MSI2: variants seen among roughly 807,000 people sequenced by gnomAD.
The protein encoded by MSI2 is musashi RNA binding protein 2.
A neutral mutation model predicts 45.6 loss-of-function variants in MSI2; 17 were observed. That is an observed-to-expected ratio of 0.37 (90% CI 0.26 to 0.56). The LOEUF (loss-of-function observed/expected upper bound fraction) is 0.56. Ranked by LOEUF, MSI2 falls within the 20% of genes least tolerant of loss-of-function variation. MSI2 has a pLI of 0.77. For missense variants in MSI2, 293 were observed against 444.2 expected (o/e 0.66, Z 3.06); for synonymous variants, 156 against 158.2 (o/e 0.99, Z 0.11).
intron 5 of MSI2, among the ~76,000 whole-genome samples, chr17:57,289,714 A>G (rs969351240): frequency 2.0e-5 from 3 of 152,178 alleles, no homozygotes; most frequent in Non-Finnish European, 4.4e-5. Flanking sequence ...TCCCTTGGTG[A>G]GAAGGAGGAG....
intron 12 of MSI2, among the ~76,000 whole-genome samples, chr17:57,676,528 T>G (rs1393465411): frequency 2.0e-5 from 3 of 152,250 alleles, no homozygotes; most frequent in Admixed American, 1.3e-4. Context: ...CAGACCCAAT[T>G]TGTTCTTGAA....
At chr17:57,263,013 G>A (rs980519657) in intron 5 of MSI2, among the ~76,000 whole-genome samples, 8 of 152,118 alleles carry the variant, frequency 5.3e-5, no homozygotes, top group Non-Finnish European at 8.8e-5. Flanking sequence ...TGCTTTTTAT[G>A]TATCTTCGGG....
intron 6 of MSI2, among the ~76,000 whole-genome samples, chr17:57,504,166 G>A (rs556265160): frequency 5.3e-5 from 8 of 152,262 alleles, no homozygotes; most frequent in African/African-American, 1.9e-4. Context: ...CGATGCCAGG[G>A]CATTGCCCTC....
intron 7 of MSI2, among the ~76,000 whole-genome samples, chr17:57,576,800 GA>G (rs113470711): frequency 0.01 from 1,398 of 135,548 alleles, 12 homozygotes; most frequent in Non-Finnish European, 0.013. Flanking sequence ...TAATTTTAAA[GA>G]AAAAAAAAAA....
At chr17:57,513,582 G>C (rs1051056025) in intron 6 of MSI2, among the ~76,000 whole-genome samples, 3 of 152,244 alleles carry the variant, frequency 2.0e-5, no homozygotes, top group Non-Finnish European at 4.4e-5. Flanking sequence ...AAGCAGATGG[G>C]ATTCTGCAAA....
intron 7 of MSI2, among the ~76,000 whole-genome samples, chr17:57,541,497 A>G (rs2087045448): frequency 6.6e-6 from 1 of 152,234 alleles, no homozygotes; most frequent in South Asian, 2.1e-4. Flanking sequence ...CAGCAAGACA[A>G]CACTGAACTT....
chr17:57,405,059 G>A (rs1172015348), intron 6 of MSI2, among the ~76,000 whole-genome samples: 3 of 152,040 alleles, frequency 2.0e-5, no homozygotes, highest in Non-Finnish European at 4.4e-5. Flanking sequence ...TAGCTGTTCC[G>A]GGGTTGTCTG....
chr17:57,358,306 G>A (rs952569134), intron 5 of MSI2, among the ~76,000 whole-genome samples: 1 of 152,018 alleles, frequency 6.6e-6, no homozygotes, highest in African/African-American at 2.4e-5. Context: ...GCATTCATGG[G>A]CTGAAGCTGG....
chr17:57,262,069 GTGATTAA>G (rs955384023), intron 4 of MSI2, 75 bp from the exon 5 acceptor site: 1 of 1,395,408 alleles, frequency 7.2e-7, no homozygotes, highest in African/African-American at 1.4e-5. Flanking sequence ...TGAGAAATGA[GTGATTAA>G]TAATTAGGTG....
intron 7 of MSI2, among the ~76,000 whole-genome samples, chr17:57,550,789 C>T (rs1210988884): frequency 1.3e-5 from 2 of 152,108 alleles, no homozygotes; most frequent in South Asian, 2.1e-4. Flanking sequence ...TTAGACAGTT[C>T]GCACATCCAA....
chr17:57,451,370 C>G (rs2143551524), intron 6 of MSI2, among the ~76,000 whole-genome samples: 1 of 152,316 alleles, frequency 6.6e-6, no homozygotes, highest in East Asian at 1.9e-4. Context: ...AGATCCTTCG[C>G]TAAATAAGTC....
chr17:57,278,526 T>G (rs1031447490), intron 5 of MSI2: 2 of 152,280 alleles, frequency 1.3e-5, no homozygotes, highest in African/African-American at 4.8e-5. Context: ...CTTGCTTGAC[T>G]CAGGCGGGGC....
intron 5 of MSI2, among the ~76,000 whole-genome samples, chr17:57,304,580 G>A (rs990773979): frequency 1.3e-5 from 2 of 151,220 alleles, no homozygotes; most frequent in Admixed American, 6.6e-5. Context: ...CTACCAGCAC[G>A]CCCAGCTAAT....
intron 2 of MSI2, 137 bp downstream of exon 2, chr17:57,257,275 T>C: frequency 1.8e-6 from 1 of 545,028 alleles, no homozygotes; most frequent in Non-Finnish European, 3.0e-6. Flanking sequence ...TTTTTTTAAA[T>C]AGCAAATCCT....
intron 6 of MSI2, among the ~76,000 whole-genome samples, chr17:57,429,115 G>T (rs948867190): frequency 4.6e-5 from 7 of 151,974 alleles, no homozygotes; most frequent in African/African-American, 1.7e-4. Flanking sequence ...GTCCTTCCTG[G>T]ATCTGCGTGT....
At chr17:57,698,543 T>A in the MSI2 span, among the ~76,000 whole-genome samples, 1 of 152,182 alleles carries the variant, frequency 6.6e-6, no homozygotes, top group Admixed American at 6.5e-5. Context: ...ATCTCTGTCT[T>A]GCTCTGAATA....
At chr17:57,645,427 T>G (rs1400359185) in intron 10 of MSI2, among the ~76,000 whole-genome samples, 1 of 151,740 alleles carries the variant, frequency 6.6e-6, no homozygotes, top group Non-Finnish European at 1.5e-5. Context: ...AGTTTTTTTG[T>G]TTTTTGTTTT....
intron 5 of MSI2, among the ~76,000 whole-genome samples, chr17:57,338,237 C>T (rs1034064936): frequency 1.3e-5 from 2 of 151,978 alleles, no homozygotes; most frequent in African/African-American, 2.4e-5. Flanking sequence ...TACAGGTGTG[C>T]GCCACTATGC....
At chr17:57,257,423 C>A in intron 2 of MSI2, 43 bp from the exon 3 acceptor site, 1 of 1,090,750 alleles carries the variant, frequency 9.2e-7, no homozygotes, top group Non-Finnish European at 1.3e-6. Context: ...TTTTTTTCCA[C>A]ACCTTCTCTC....
Sources: allele counts gnomAD v4.1 joint callset (sites outside exome capture counted in the v4.1 genomes callset), GRCh38; gene constraint gnomAD v4.1.1; transcripts MANE v1.5; gene names NCBI Gene and HGNC (gene_info 2026-07-23, HGNC 2026-07-21).